The following CIT variants were observed in gnomAD, a reference collection of about 807,000 sequenced individuals.
The protein encoded by CIT is citron rho-interacting serine/threonine kinase, also known as citron Rho-interacting kinase.
Under a neutral mutation model 272.7 loss-of-function variants are expected in CIT, and 79 were observed. That is an observed-to-expected ratio of 0.29 (90% CI 0.24 to 0.35). The LOEUF (loss-of-function observed/expected upper bound fraction) is 0.35, where lower values mean the gene tolerates loss of function less well. Among genes scored for constraint, CIT ranks in the 10% least tolerant of loss-of-function variants. The pLI, the probability that CIT is intolerant of heterozygous loss-of-function variation, is 1.00. For synonymous variants in CIT, 948 were observed against 995.6 expected (o/e 0.95, Z 0.90); for missense variants, 1,909 against 2,618.3 (o/e 0.73, Z 5.91).
At chr12:119,848,555 T>C (rs1371513900) in intron 5 of CIT, among the ~76,000 whole-genome samples, 1 of 152,156 alleles carries the variant, frequency 6.6e-6, no homozygotes, top group East Asian at 1.9e-4. Context: ...ACTTATGATA[T>C]ATACACATCA....
chr12:119,702,845 GC>G (rs1956668536), intron 41 of CIT, among the ~76,000 whole-genome samples: 1 of 151,960 alleles, frequency 6.6e-6, no homozygotes, highest in Non-Finnish European at 1.5e-5. Context: ...CCTTCTTTTT[GC>G]TAGCTTCTAA....
chr12:119,712,396 C>T lies in CIT; in HGVS notation c.4685-49G>A, dbSNP rs780670097. On this transcript the variant is annotated intron_variant, in intron 36 of 47. Coordinates refer to ENST00000392521, the MANE Select transcript of CIT (RefSeq NM_001206999.2). This position sits in a 1 kb window ranked among gnomAD's most constrained non-coding sequence, Gnocchi z 5.2. ...GATTGGGTGTGGATTTCCCCCGTTC[C>T]CACTGGGAGGGACGGGCCTGAGAGA... 2.6e-6 allele frequency: 4 copies of T among 1,550,268 alleles called. No homozygotes were observed. Among genetic ancestry groups the T allele is most frequent in the East Asian group, 4.5e-5 (2 of 44,298 alleles).
intron 14 of CIT, 97 bp from the exon 15 acceptor site, chr12:119,776,505 T>C (rs1593699670): frequency 8.5e-7 from 1 of 1,172,350 alleles, no homozygotes; most frequent in East Asian, 2.3e-5. Flanking sequence ...ATAATAATAG[T>C]AAATAAGAAT....
intron 5 of CIT, among the ~76,000 whole-genome samples, chr12:119,846,599 T>C (rs1177377608): frequency 1.3e-5 from 2 of 152,186 alleles, no homozygotes; most frequent in African/African-American, 4.8e-5. Flanking sequence ...CCTGTAGAGC[T>C]CGAATTAAAA....
intron 2 of CIT, among the ~76,000 whole-genome samples, chr12:119,872,540 G>T (rs934988074): frequency 6.6e-6 from 1 of 152,222 alleles, no homozygotes. Context: ...GCTTTACTGG[G>T]CAGGGGGATC....
intron 20 of CIT, 94 bp from the exon 21 acceptor site, chr12:119,758,794 C>T: frequency 1.2e-6 from 1 of 833,092 alleles, no homozygotes; most frequent in South Asian, 1.4e-5. Flanking sequence ...GAAATGACGG[C>T]AATTTGGCTA....
intron 3 of CIT, among the ~76,000 whole-genome samples, chr12:119,866,509 C>A (rs948368979): frequency 3.3e-5 from 5 of 152,018 alleles, no homozygotes; most frequent in African/African-American, 1.2e-4. Flanking sequence ...CATTTGGTCT[C>A]TATCACAACT....
intron 22 of CIT, among the ~76,000 whole-genome samples, chr12:119,755,964 G>A (rs1037059734): frequency 1.3e-5 from 2 of 152,158 alleles, no homozygotes; most frequent in African/African-American, 2.4e-5. Context: ...ACTAGGTCAC[G>A]GGGCTGTCAT....
In CIT at chr12:119,846,245, C is replaced by T. The variant is rs149549262; in HGVS notation, c.516+3929G>A. ...TTCCCTGAAGCTACTGAGCAGTAGC[C>T]TGCCACATGGACCACTAAATCCTCA... On this transcript the variant is annotated intron_variant, in intron 5 of 47. Transcript: ENST00000392521. Among the ~76,000 whole-genome samples, 318 of 152,274 alleles carry T rather than the reference C, an allele frequency of 2.1e-3. 2 individuals are homozygous for T. Among genetic ancestry groups the T allele is most frequent in the African/African-American group, 7.2e-3 (300 of 41,556 alleles).
At chr12:119,700,961 C>T (rs1330220683) in intron 43 of CIT, 136 bp from the exon 44 acceptor site, 26 of 562,506 alleles carry the variant, frequency 4.6e-5, no homozygotes, top group Non-Finnish European at 7.7e-5. Context: ...AAACCAGAGG[C>T]CCTCTGCTGA....
intron 5 of CIT, among the ~76,000 whole-genome samples, chr12:119,849,548 T>G (rs905109501): frequency 2.0e-5 from 3 of 152,208 alleles, no homozygotes; most frequent in Non-Finnish European, 4.4e-5. Context: ...CTAAGCAAGC[T>G]AACACAGGAA....
In CIT at chr12:119,784,247, A is replaced by G. The variant is rs1422543719; in HGVS notation, c.1402-196T>C. 41 of 1,590,126 alleles carry G rather than the reference A, an allele frequency of 2.6e-5. No individual in the cohort carries two copies. The highest frequency in any genetic ancestry group is 3.3e-5 in the Non-Finnish European group (39 of 1,165,620). ...CGTTAAGGACAGTCACCAAATGCTAAGTCACTCCTCTCATTCAAGTCCCGG... is the reference window on the plus strand; with the variant it reads ...CGTTAAGGACAGTCACCAAATGCTAGGTCACTCCTCTCATTCAAGTCCCGG... On this transcript the variant is annotated intron_variant, in intron 11 of 47. Coordinates refer to ENST00000392521, the MANE Select transcript of CIT (RefSeq NM_001206999.2). The surrounding 1 kb of genome is among the most constrained non-coding windows in gnomAD (Gnocchi z 4.7).
In CIT at chr12:119,720,547, A is replaced by G. The variant is rs758532546; in HGVS notation, c.3771T>C (p.Thr1257=). The change falls in exon 30 of 48, where the codon ACT becomes ACC. Residue 1257 remains threonine (T), a synonymous_variant. Transcript: ENST00000392521. ...YSHEKVKMEG[T]ISQQTKLIDF... Reference sequence around the variant, plus strand: ...CAATGAGTTTGGTTTGTTGAGAAATAGTGCCTTCCATTTTCACCTTTTCAT... The same window carrying G: ...CAATGAGTTTGGTTTGTTGAGAAATGGTGCCTTCCATTTTCACCTTTTCAT... 5 of 1,609,276 alleles carry G rather than the reference A, an allele frequency of 3.1e-6. No individual in the cohort carries two copies. The highest frequency in any genetic ancestry group is 4.2e-6 in the Non-Finnish European group (5 of 1,178,822).
intron 5 of CIT, among the ~76,000 whole-genome samples, chr12:119,845,652 C>CA (rs34059849): frequency 6.4e-3 from 374 of 58,758 alleles, no homozygotes; most frequent in East Asian, 0.024. Context: ...GACTCTGTCT[C>CA]AAAAAAAAAA....
chr12:119,788,196 C>T (rs115752346), intron 10 of CIT, among the ~76,000 whole-genome samples: 2,003 of 152,312 alleles, frequency 0.013, 42 homozygotes, highest in African/African-American at 0.046. Context: ...CCAAGTTCTA[C>T]GCTTCTCACC....
intron 3 of CIT, among the ~76,000 whole-genome samples, chr12:119,866,161 A>C (rs1415565640): frequency 6.6e-6 from 1 of 152,076 alleles, no homozygotes; most frequent in Non-Finnish European, 1.5e-5. Flanking sequence ...GGTTGTATTA[A>C]TCTAGATAAG....
chr12:119,793,445 GGTCA>G (rs1965485114), intron 10 of CIT, among the ~76,000 whole-genome samples: 1 of 152,034 alleles, frequency 6.6e-6, no homozygotes, highest in Non-Finnish European at 1.5e-5. Flanking sequence ...TCCACACAAT[GGTCA>G]GAGGCACACT....
intron 10 of CIT, among the ~76,000 whole-genome samples, chr12:119,802,475 A>G (rs1480062697): frequency 6.6e-6 from 1 of 152,212 alleles, no homozygotes; most frequent in Non-Finnish European, 1.5e-5. Context: ...CAAGAGGTTT[A>G]CAGTGATATT....
chr12:119,761,215 C>T (rs1566003401), intron 19 of CIT, among the ~76,000 whole-genome samples, 160 bp from the exon 20 acceptor site: 1 of 152,108 alleles, frequency 6.6e-6, no homozygotes, highest in Admixed American at 6.6e-5. Flanking sequence ...ACTGGGAGTC[C>T]GCTTATCAAT....
Sources: allele counts gnomAD v4.1 joint callset (sites outside exome capture counted in the v4.1 genomes callset), GRCh38; gene constraint gnomAD v4.1.1; non-coding constraint Gnocchi (gnomAD v3.1); transcripts MANE v1.5; gene names NCBI Gene and HGNC (gene_info 2026-07-23, HGNC 2026-07-21).